KSR2: variants seen among roughly 807,000 people sequenced by gnomAD.
KSR2 encodes the protein kinase suppressor of ras 2.
In KSR2, 25 loss-of-function variants were observed where a neutral mutation model predicts 107.8. That is an observed-to-expected ratio of 0.23 (90% CI 0.17 to 0.32). The LOEUF (loss-of-function observed/expected upper bound fraction) is 0.32. KSR2 is among the 10% of genes least tolerant of loss of function. The pLI is 1.00. For synonymous variants in KSR2, 480 were observed against 507.0 expected, an observed-to-expected ratio of 0.95 and a Z score of 0.71; for missense variants, 887 against 1,268.9, an observed-to-expected ratio of 0.70 and a Z score of 4.57.
At chr12:117,928,863 A>AT (rs1230456122) in intron 1 of KSR2, among the ~76,000 whole-genome samples, 2 of 106,520 alleles carry the variant, frequency 1.9e-5, no homozygotes, top group African/African-American at 6.7e-5. Flanking sequence ...GGAGCCAGAG[A>AT]TTGGCTACGA....
chr12:117,796,989 A>T (rs539714102), intron 3 of KSR2, among the ~76,000 whole-genome samples: 1 of 152,318 alleles, frequency 6.6e-6, no homozygotes, highest in Admixed American at 6.5e-5. Flanking sequence ...GAGCCTGGGA[A>T]CACAACAAAG....
intron 7 of KSR2, among the ~76,000 whole-genome samples, chr12:117,573,652 T>C (rs1879054489): frequency 6.6e-6 from 1 of 151,010 alleles, no homozygotes; most frequent in East Asian, 2.0e-4. Flanking sequence ...CTCAGCCTCC[T>C]GAGTAGCTGG....
chr12:117,617,376 T>C (rs1881947471), intron 5 of KSR2, among the ~76,000 whole-genome samples: 1 of 152,198 alleles, frequency 6.6e-6, no homozygotes, highest in Admixed American at 6.5e-5. Flanking sequence ...GTTTTTGAAT[T>C]TTTCAGTTCT....
intron 5 of KSR2, among the ~76,000 whole-genome samples, chr12:117,592,409 T>G (rs1880383196): frequency 6.6e-6 from 1 of 152,108 alleles, no homozygotes; most frequent in South Asian, 2.1e-4. Flanking sequence ...CGACCGTGCC[T>G]GGCCCACTTT....
intron 3 of KSR2, among the ~76,000 whole-genome samples, chr12:117,771,718 A>G (rs1010440542): frequency 6.6e-5 from 10 of 152,146 alleles, no homozygotes; most frequent in African/African-American, 1.2e-4. Context: ...TGGATAAGTG[A>G]CAGGTCATGG....
chr12:117,718,004 T>C (rs1887064562), intron 4 of KSR2, among the ~76,000 whole-genome samples: 1 of 152,144 alleles, frequency 6.6e-6, no homozygotes. Context: ...TGTAAGCACC[T>C]AGATCCAACC....
chr12:117,869,766 TTC>T (rs1893592038), intron 1 of KSR2, among the ~76,000 whole-genome samples: 1 of 152,202 alleles, frequency 6.6e-6, no homozygotes, highest in South Asian at 2.1e-4. Flanking sequence ...ATGTGAGCAG[TTC>T]TGTGATGTCT....
Position 117,613,519 on chromosome 12 carries a change from GA to G in KSR2, c.1172-31161del, listed in dbSNP as rs1321758863. 3.3e-5 allele frequency among the ~76,000 whole-genome samples: 5 copies of G among 152,294 alleles called. No homozygotes were observed. In the East Asian group the frequency reaches 9.6e-4, roughly 29 times the overall value. On this transcript the variant is annotated intron_variant, in intron 5 of 19. Transcript: ENST00000339824. ...GGCCCCTCCTGCACTGGACTCAGAT[GA>G]AACATGAGACCACAGGGCATGGGAT...
intron 1 of KSR2, among the ~76,000 whole-genome samples, chr12:117,961,436 C>A (rs2097363745): frequency 6.6e-6 from 1 of 152,130 alleles, no homozygotes; most frequent in African/African-American, 2.4e-5. Context: ...CTTCTCTGAC[C>A]AAGATGGGAG....
intron 8 of KSR2, 35 bp from the exon 9 acceptor site, chr12:117,555,328 G>C (rs1269320268): frequency 6.2e-7 from 1 of 1,611,566 alleles, no homozygotes; most frequent in South Asian, 1.1e-5. Flanking sequence ...GGGAGTTTAA[G>C]TATCACTTTG....
At chr12:117,518,748 CGTA>C (rs1565880951) in intron 14 of KSR2, among the ~76,000 whole-genome samples, 2 of 152,218 alleles carry the variant, frequency 1.3e-5, no homozygotes, top group Non-Finnish European at 2.9e-5. Flanking sequence ...GCTCCTCAAA[CGTA>C]CCAATCTCAT....
intron 4 of KSR2, among the ~76,000 whole-genome samples, chr12:117,743,288 A>G (rs755408021): frequency 2.0e-5 from 3 of 152,204 alleles, no homozygotes; most frequent in Admixed American, 6.5e-5. Context: ...CAGGACTTTG[A>G]TCACCCTCCA....
At chr12:117,709,118 A>G (rs998095994) in intron 4 of KSR2, among the ~76,000 whole-genome samples, 1 of 152,056 alleles carries the variant, frequency 6.6e-6, no homozygotes, top group African/African-American at 2.4e-5. Context: ...AGTCCCTTTT[A>G]CCATGTAAAG....
chr12:117,493,824 G>A lies in KSR2; in HGVS notation c.2220-8133C>T, dbSNP rs536250058. Among the ~76,000 whole-genome samples, 36 of 152,192 alleles carry A rather than the reference G, an allele frequency of 2.4e-4. No individual in the cohort carries two copies. The South Asian group carries it at 4.4e-3, about 18-fold the overall frequency. On this transcript the variant is annotated intron_variant, in intron 14 of 19. Coordinates refer to ENST00000339824, the MANE Select transcript of KSR2 (RefSeq NM_173598.6). ...GGTGAGTCTTTCCTGTGCTATTCTC[G>A]TGATAGGGAATAAGTCTCACGAGAT...
chr12:117,818,991 T>G (rs1202416864), intron 3 of KSR2, among the ~76,000 whole-genome samples: 1 of 152,232 alleles, frequency 6.6e-6, no homozygotes, highest in Non-Finnish European at 1.5e-5. Flanking sequence ...CACAAGTTTT[T>G]ATAGCTCTTA....
At chr12:117,761,882 A>T (rs1219973053) in intron 3 of KSR2, among the ~76,000 whole-genome samples, 1 of 152,228 alleles carries the variant, frequency 6.6e-6, no homozygotes, top group Admixed American at 6.5e-5. Context: ...TGCATGTCAC[A>T]TTATATGTGC....
chr12:117,508,522 T>C (rs1315064902), intron 14 of KSR2, among the ~76,000 whole-genome samples: 1 of 152,028 alleles, frequency 6.6e-6, no homozygotes, highest in East Asian at 1.9e-4. Context: ...GATGGATTGA[T>C]TAATGGTGAT....
At chr12:117,631,411 C>A (rs1221048954) in intron 5 of KSR2, among the ~76,000 whole-genome samples, 1 of 152,156 alleles carries the variant, frequency 6.6e-6, no homozygotes, top group Non-Finnish European at 1.5e-5. Context: ...GATGGCCTGA[C>A]CTCCTGTAAC....
intron 4 of KSR2, among the ~76,000 whole-genome samples, chr12:117,701,323 T>C (rs1593146438): frequency 6.6e-6 from 1 of 152,082 alleles, no homozygotes; most frequent in Non-Finnish European, 1.5e-5. Context: ...GAACTCCTGA[T>C]CTCAGGTGAT....
Sources: allele counts gnomAD v4.1 joint callset (sites outside exome capture counted in the v4.1 genomes callset), GRCh38; gene constraint gnomAD v4.1.1; transcripts MANE v1.5; gene names NCBI Gene and HGNC (gene_info 2026-07-23, HGNC 2026-07-21).